The following RDH16 variants were observed in gnomAD, a reference collection of about 807,000 sequenced individuals.
RDH16 encodes the protein human epidermal retinol dehydrogenase.
A neutral mutation model predicts 22.3 loss-of-function variants in RDH16; 25 were observed. The observed-to-expected ratio is 1.12, with a 90% confidence interval of 0.82 to 1.56. The LOEUF (loss-of-function observed/expected upper bound fraction) is 1.56, where lower values mean the gene tolerates loss of function less well. Among genes scored for constraint, RDH16 ranks in the 40% most tolerant of loss-of-function variants. The pLI is 0.00. For synonymous variants in RDH16, 154 were observed against 164.4 expected, an observed-to-expected ratio of 0.94 and a Z score of 0.48; for missense variants, 413 against 394.9, an observed-to-expected ratio of 1.05 and a Z score of -0.39.
At chr12:56,952,677 C>G (rs1350345611) in intron 3 of RDH16, 150 bp downstream of exon 3, 1 of 944,214 alleles carries the variant, frequency 1.1e-6, no homozygotes, top group African/African-American at 1.7e-5. Context: ...GACCACACAG[C>G]ACCCATCATG....
rs148292475 is a variant in RDH16 at position 56,954,868 on chromosome 12, G to A, written c.572+38C>T. On this transcript the variant is annotated intron_variant, in intron 2 of 3. Transcript: ENST00000398138. ...AAAAGACTTCCCCACAAGGACAGGA[G>A]CAGGAAGACTAGGGTGGGCCCCATC... 1.8e-4 allele frequency: 297 copies of A among 1,609,310 alleles called. No homozygotes were observed. In the African/African-American group the frequency reaches 3.4e-3, roughly 18 times the overall value.
At position 56,957,278 on chromosome 12, in the gene RDH16, G is replaced by A. The variant is rs371699976; in HGVS notation, c.185C>T (p.Thr62Met). Reference sequence around the variant, plus strand: ...CCTCAGCTGCTCGGCTCCTTTCTCCGTCAGACATGCAGCCAGCACCCGCAA... The same window carrying A: ...CCTCAGCTGCTCGGCTCCTTTCTCCATCAGACATGCAGCCAGCACCCGCAA... ...RGLRVLAACLTEKGAEQLRGQ... is the reference protein window; with the variant it reads ...RGLRVLAACLMEKGAEQLRGQ... The change falls in exon 1 of 4, where the codon ACG becomes ATG. Residue 62 changes from threonine to methionine, a missense_variant. Thr to Met is a moderately conservative substitution (Grantham distance 81, BLOSUM62 -1). Transcript: ENST00000398138. 95 of 1,614,026 alleles carry A rather than the reference G, an allele frequency of 5.9e-5. No individual in the cohort carries two copies. The highest frequency in any genetic ancestry group is 9.3e-5 in the African/African-American group (7 of 74,888).
intron 3 of RDH16, among the ~76,000 whole-genome samples, chr12:56,952,560 A>T (rs746844005): frequency 2.6e-4 from 39 of 152,258 alleles, no homozygotes; most frequent in Admixed American, 1.6e-3. Flanking sequence ...ATCAGCCACC[A>T]ATGTCTTCCC....
intron 3 of RDH16, 90 bp downstream of exon 3, chr12:56,952,737 T>A (rs543721286): frequency 2.1e-6 from 3 of 1,461,500 alleles, no homozygotes; most frequent in South Asian, 2.7e-5. Flanking sequence ...AGCCTGGGGA[T>A]CAAACTCTAA....
chr12:56,956,406 C>G (rs573536678), intron 1 of RDH16, among the ~76,000 whole-genome samples: 2 of 152,188 alleles, frequency 1.3e-5, no homozygotes, highest in East Asian at 3.9e-4. Flanking sequence ...AAACTAAGAA[C>G]AAAATATAAA....
chr12:56,951,910 G>T lies in RDH16; in HGVS notation c.*119C>A. 1.4e-6 allele frequency: 1 copy of T among 718,318 alleles called. No individual in the cohort carries two copies. Among genetic ancestry groups the T allele is most frequent in the East Asian group, 2.7e-5 (1 of 37,000 alleles). 44.5% of individuals were successfully genotyped at this position (718,318 alleles called of 1,614,324 possible). ...TCATGGCCAGGAGGTAATGAAGGAG[G>T]TGGGATTGGTGCCCTACTGACCGGA... On this transcript the variant is annotated 3_prime_UTR_variant, in exon 4 of 4. Coordinates refer to ENST00000398138, the MANE Select transcript of RDH16 (RefSeq NM_003708.5).
intron 2 of RDH16, among the ~76,000 whole-genome samples, chr12:56,954,337 C>G (rs2136380052): frequency 6.6e-6 from 1 of 152,296 alleles, no homozygotes; most frequent in South Asian, 2.1e-4. Flanking sequence ...AAGCCACATG[C>G]CCAGTGTCAG....
chr12:56,957,256 C>G lies in RDH16; in HGVS notation c.207G>C (p.Leu69=), dbSNP rs1955938379. The G allele has an allele frequency of 6.2e-7, 1 of 1,614,056 alleles. No homozygotes were observed. Among genetic ancestry groups the G allele is most frequent in the African/African-American group, 1.3e-5 (1 of 74,908 alleles). ...ACLTEKGAEQ[L]RGQTSDRLET... ...CCAGCCTGTCTGAAGTCTGGCCCCT[C>G]AGCTGCTCGGCTCCTTTCTCCGTCA... The change falls in exon 1 of 4, where the codon CTG becomes CTC. Residue 69 remains leucine, a synonymous_variant. Transcript: ENST00000398138.
intron 2 of RDH16, among the ~76,000 whole-genome samples, chr12:56,954,591 A>C (rs1399552831): frequency 1.3e-5 from 2 of 152,144 alleles, no homozygotes; most frequent in African/African-American, 4.8e-5. Flanking sequence ...TCCTCTTGGT[A>C]GGATCTGAAG....
Position 56,957,487 on chromosome 12 carries a change from C to T in RDH16, c.-25G>A, listed in dbSNP as rs1209924208. The T allele has an allele frequency of 6.3e-7, 1 of 1,586,048 alleles. No individual in the cohort carries two copies. Among genetic ancestry groups the T allele is most frequent in the African/African-American group, 1.3e-5 (1 of 74,522 alleles). ...TGGCTTTGCAGAGGACAGACACAGA[C>T]AGGCTGTGGGGGAAACCAGAGTCTG... On this transcript the variant is annotated 5_prime_UTR_variant, in exon 1 of 4. Transcript: ENST00000398138.
intron 1 of RDH16, 48 bp from the exon 2 acceptor site, chr12:56,955,212 A>T: frequency 1.2e-6 from 2 of 1,605,666 alleles, no homozygotes; most frequent in South Asian, 2.2e-5. Context: ...GTGCCTGTGC[A>T]GGTGGACAGA....
chr12:56,953,735 G>A (rs563400655), intron 2 of RDH16, among the ~76,000 whole-genome samples: 1 of 152,300 alleles, frequency 6.6e-6, no homozygotes, highest in East Asian at 1.9e-4. Context: ...TTACCAGGCT[G>A]CCAGGTGGAG....
At position 56,955,132 on chromosome 12, in the gene RDH16, A is replaced by T. The variant is rs1399472757; in HGVS notation, c.346T>A (p.Ser116Thr). The change falls in exon 2 of 4, where the codon TCC (serine) becomes ACC (threonine). Residue 116 changes from serine to threonine, a missense_variant. By Grantham distance (58) the Ser-to-Thr change is moderately conservative. Transcript: ENST00000398138. ...LWGLVNNAGISLPTAPNELLT... is the reference protein window; with the variant it reads ...LWGLVNNAGITLPTAPNELLT... Reference sequence around the variant, plus strand: ...AACTCATTGGGAGCCGTGGGCAAGGAGATGCCAGCATTATTCACCAGGCCC... The same window carrying T: ...AACTCATTGGGAGCCGTGGGCAAGGTGATGCCAGCATTATTCACCAGGCCC... 1 of 1,614,122 alleles carries T rather than the reference A, an allele frequency of 6.2e-7. No individual in the cohort carries two copies. The highest frequency in any genetic ancestry group is 1.1e-5 in the South Asian group (1 of 91,068).
chr12:56,957,093 G>A (rs1378228393), intron 1 of RDH16, 57 bp downstream of exon 1: 6 of 1,507,902 alleles, frequency 4.0e-6, no homozygotes, highest in South Asian at 2.5e-5. Context: ...CAGACAGGAG[G>A]TGGTCCCTTC....
At chr12:56,956,818 C>T (rs1359069005) in intron 1 of RDH16, among the ~76,000 whole-genome samples, 1 of 152,158 alleles carries the variant, frequency 6.6e-6, no homozygotes, top group Non-Finnish European at 1.5e-5. Flanking sequence ...CTCAACGATG[C>T]TCCAGCAAGT....
rs767620413 is a variant in RDH16 at position 56,953,007 on chromosome 12, C to A, written c.573-17G>T. The A allele has an allele frequency of 6.9e-6, 11 of 1,589,706 alleles. No homozygotes were observed. The South Asian group carries it at 1.3e-4, about 18-fold the overall frequency. On this transcript the variant is annotated splice_polypyrimidine_tract_variant and intron_variant, in intron 2 of 3. Transcript: ENST00000398138. ...AGTTCCCTCCTGCAAGACAGAGAAG[C>A]AGAGGGGAAAAACTTCGGGGGTCTT...
chr12:56,951,852 A>C lies in RDH16; in HGVS notation c.*177T>G, dbSNP rs981676918. The C allele has an allele frequency of 1.1e-5, 7 of 609,098 alleles. No individual in the cohort carries two copies. Among genetic ancestry groups the C allele is most frequent in the Non-Finnish European group, 2.0e-5 (7 of 344,076 alleles). 37.7% of individuals were successfully genotyped at this position (609,098 alleles called of 1,614,324 possible). A position where few individuals can be genotyped will look rare whatever the true frequency, so the allele number is the denominator to read the frequency against. On this transcript the variant is annotated 3_prime_UTR_variant, in exon 4 of 4. Coordinates refer to ENST00000398138, the MANE Select transcript of RDH16 (RefSeq NM_003708.5). ...CGTAACTTGAAACTTTCCTACCAACATCTCCAGAGAGCAGAATTATCTCCC... is the reference window on the plus strand; with the variant it reads ...CGTAACTTGAAACTTTCCTACCAACCTCTCCAGAGAGCAGAATTATCTCCC...
rs374679182 is a variant in RDH16 at position 56,952,703 on chromosome 12, G to A, written c.736+124C>T. 16 of 1,210,388 alleles carry A rather than the reference G, an allele frequency of 1.3e-5. No homozygotes were observed. The South Asian group carries it at 1.4e-4, about 10-fold the overall frequency. 75.0% of individuals were successfully genotyped at this position (1,210,388 alleles called of 1,614,324 possible). A position where few individuals can be genotyped will look rare whatever the true frequency, so the allele number is the denominator to read the frequency against. ...ACCCATCATGGAAATGGGGCTAAAG[G>A]TCTCCACTCTGTGGGGAAGGGAGAG... On this transcript the variant is annotated intron_variant, in intron 3 of 3. Coordinates refer to ENST00000398138, the MANE Select transcript of RDH16 (RefSeq NM_003708.5).
chr12:56,954,339 C>T (rs1198088105), intron 2 of RDH16, among the ~76,000 whole-genome samples: 3 of 152,192 alleles, frequency 2.0e-5, no homozygotes, highest in Non-Finnish European at 4.4e-5. Context: ...GCCACATGCC[C>T]AGTGTCAGCT....
Sources: gnomAD v4.1 joint callset for allele counts (sites outside exome capture counted in the v4.1 genomes callset) on GRCh38, gnomAD v4.1.1 for gene constraint, MANE v1.5 for transcripts, NCBI Gene and HGNC (gene_info 2026-07-23, HGNC 2026-07-21) for gene names.